Variants in ZNF700 observed in about 807,000 individuals in gnomAD.
The protein encoded by ZNF700 is zinc finger protein 700.
In ZNF700, 38 loss-of-function variants were observed where a neutral mutation model predicts 65.3. The ratio of observed to expected loss-of-function variants is 0.58; its 90% CI spans 0.45 to 0.76. ZNF700 has a LOEUF of 0.76. Ranked by LOEUF, ZNF700 falls within the 30% of genes least tolerant of loss-of-function variation. The pLI, the probability that ZNF700 is intolerant of heterozygous loss-of-function variation, is 0.00. For synonymous variants in ZNF700, 285 were observed against 290.4 expected, an observed-to-expected ratio of 0.98 and a Z score of 0.19; for missense variants, 857 against 888.4, an observed-to-expected ratio of 0.96 and a Z score of 0.45.
In ZNF700 at chr19:11,948,646, A is replaced by C. The variant is rs574955597; in HGVS notation, c.622A>C (p.Ser208Arg). The change falls in exon 4 of 4, where the codon AGC becomes CGC. Residue 208 changes from serine (S) to arginine (R), a missense_variant. Ser to Arg is a moderately radical substitution (Grantham distance 110, BLOSUM62 -1). Transcript: ENST00000254321. ...TGGAAAAACCTTTATTTTCCATTCA[A>C]GCATTCGAAGACACATGGTAATGCA... ...VCGKTFIFHSSIRRHMVMHSG... is the reference protein window; with the variant it reads ...VCGKTFIFHSRIRRHMVMHSG... 770 of 1,611,426 alleles carry C rather than the reference A, an allele frequency of 4.8e-4. 11 individuals carry two copies. The South Asian group carries it at 8.0e-3, about 17-fold the overall frequency.
chr19:11,925,179 A>T lies in ZNF700; in HGVS notation c.-32A>T, dbSNP rs1369525692. Reference sequence around the variant, plus strand: ...AGCCCGAGAGGGACCTGGTGCCTGTACCCAGGCTTCTGTCGCTCTGTCGCC... The same window carrying T: ...AGCCCGAGAGGGACCTGGTGCCTGTTCCCAGGCTTCTGTCGCTCTGTCGCC... On this transcript the variant is annotated 5_prime_UTR_variant, in exon 1 of 4. Transcript: ENST00000254321. The T allele has an allele frequency of 6.2e-7, 1 of 1,609,962 alleles. No individual in the cohort carries two copies. Among genetic ancestry groups the T allele is most frequent in the Non-Finnish European group, 8.5e-7 (1 of 1,177,332 alleles).
chr19:11,940,208 G>A (rs1972859512), intron 1 of ZNF700, among the ~76,000 whole-genome samples: 1 of 152,144 alleles, frequency 6.6e-6, no homozygotes, highest in Non-Finnish European at 1.5e-5. Flanking sequence ...GGGCTTATAG[G>A]CATGAGCCAC....
chr19:11,945,573 C>G (rs528971571), intron 1 of ZNF700, among the ~76,000 whole-genome samples: 4 of 152,172 alleles, frequency 2.6e-5, no homozygotes, highest in African/African-American at 9.6e-5. Context: ...CGGCTGGGCC[C>G]CAGGCTTAAC....
At chr19:11,932,661 A>G (rs1188937390) in intron 1 of ZNF700, among the ~76,000 whole-genome samples, 2 of 133,334 alleles carry the variant, frequency 1.5e-5, no homozygotes, top group Non-Finnish European at 3.1e-5. Context: ...TTTTTGAGAC[A>G]GAGTCTTGCC....
At position 11,948,676 on chromosome 19, in the gene ZNF700, G is replaced by A. The variant is rs750072398; in HGVS notation, c.652G>A (p.Gly218Arg). ...TCGAAGACACATGGTAATGCACAGT[G>A]GGGATGGAACTTATAAATGTAAATT... Reference protein sequence around the residue: ...SIRRHMVMHSGDGTYKCKFCG... With the variant: ...SIRRHMVMHSRDGTYKCKFCG... The change falls in exon 4 of 4, where the codon GGG becomes AGG. Residue 218 changes from glycine (G) to arginine (R), a missense_variant. By Grantham distance (125) the Gly-to-Arg change is moderately radical. Transcript: ENST00000254321. 54 of 1,612,180 alleles carry A rather than the reference G, an allele frequency of 3.3e-5. No homozygotes were observed. The highest frequency in any genetic ancestry group is 4.2e-6 in the Non-Finnish European group (5 of 1,179,620).
intron 1 of ZNF700, among the ~76,000 whole-genome samples, chr19:11,928,731 CAAAAAAAA>C (rs779525520): frequency 3.7e-5 from 2 of 53,438 alleles, no homozygotes; most frequent in South Asian, 1.3e-3. Context: ...GACTCCGTCT[CAAAAAAAA>C]AAAAAAAAAA....
chr19:11,943,487 CT>C (rs955119292), intron 1 of ZNF700, among the ~76,000 whole-genome samples: 1 of 151,920 alleles, frequency 6.6e-6, no homozygotes, highest in African/African-American at 2.4e-5. Flanking sequence ...ATGGGGGTCT[CT>C]TTTTTTTCTG....
intron 1 of ZNF700, among the ~76,000 whole-genome samples, chr19:11,934,224 G>A (rs1265152875): frequency 6.8e-6 from 1 of 147,800 alleles, no homozygotes; most frequent in East Asian, 1.9e-4. Context: ...CTAGTTTTTG[G>A]CAGTTATGAG....
chr19:11,943,510 T>G (rs974704634), intron 1 of ZNF700, among the ~76,000 whole-genome samples: 1 of 152,204 alleles, frequency 6.6e-6, no homozygotes, highest in Non-Finnish European at 1.5e-5. Flanking sequence ...TTTAGCTATT[T>G]TTTTTACTTC....
At chr19:11,928,265 T>C (rs1008370646) in intron 1 of ZNF700, among the ~76,000 whole-genome samples, 14 of 152,196 alleles carry the variant, frequency 9.2e-5, no homozygotes, top group Admixed American at 2.0e-4. Context: ...GGATTACAGA[T>C]ACAGATATCA....
intron 1 of ZNF700, among the ~76,000 whole-genome samples, chr19:11,933,786 A>G (rs1197288968): frequency 2.1e-5 from 3 of 145,542 alleles, no homozygotes; most frequent in African/African-American, 5.5e-5. Flanking sequence ...CGGAGCTTGC[A>G]GTGAGCTGAG....
Position 11,949,245 on chromosome 19 carries a change from T to C in ZNF700, c.1221T>C (p.Tyr407=), listed in dbSNP as rs370149291. The C allele has an allele frequency of 1.9e-6, 3 of 1,613,638 alleles. No homozygotes were observed. Residue 407 remains tyrosine, a synonymous_variant, in exon 4 of 4, where the codon TAT becomes TAC. Coordinates refer to ENST00000254321, the MANE Select transcript of ZNF700 (RefSeq NM_144566.3). Reference sequence around the variant, plus strand: ...TCAATCTTTCCAGTTCCTTTCGATATCATGAAAGGATTCACACTGGAGAGA... The same window carrying C: ...TCAATCTTTCCAGTTCCTTTCGATACCATGAAAGGATTCACACTGGAGAGA... ...KAFNLSSSFR[Y]HERIHTGEKP... is the part of the protein sequence containing the mutation.
intron 1 of ZNF700, among the ~76,000 whole-genome samples, chr19:11,934,984 T>C (rs279243): frequency 2.0e-5 from 3 of 146,612 alleles, no homozygotes; most frequent in Non-Finnish European, 4.4e-5. Context: ...AAGACCATCC[T>C]GGCTAACACT....
At chr19:11,942,838 T>G (rs1175200952) in intron 1 of ZNF700, among the ~76,000 whole-genome samples, 4 of 152,198 alleles carry the variant, frequency 2.6e-5, no homozygotes, top group Non-Finnish European at 2.9e-5. Context: ...ATTTCTGCCT[T>G]CCTTTAACTT....
intron 1 of ZNF700, among the ~76,000 whole-genome samples, chr19:11,944,640 A>G (rs1017531486): frequency 1.3e-5 from 2 of 152,222 alleles, no homozygotes; most frequent in African/African-American, 4.8e-5. Flanking sequence ...GAGTATGTAC[A>G]CACAAGAACT....
chr19:11,948,994 C>T lies in ZNF700; in HGVS notation c.970C>T (p.His324Tyr), dbSNP rs1973010966. The T allele has an allele frequency of 6.2e-7, 1 of 1,607,558 alleles. No homozygotes were observed. Residue 324 changes from histidine to tyrosine, a missense_variant, in exon 4 of 4, where the codon CAT becomes TAT. Coordinates refer to ENST00000254321, the MANE Select transcript of ZNF700 (RefSeq NM_144566.3). ...TGCATATACCAGTTCTCTTCGTAGA[C>T]ATGAAAGGACCCACTCTGGGAAAAA... is the stretch of plus-strand genomic sequence containing the variant. The part of the protein sequence containing the change: ...AFAYTSSLRR[H>Y]ERTHSGKKPY...
chr19:11,927,182 A>G (rs890352175), intron 1 of ZNF700, among the ~76,000 whole-genome samples: 1 of 152,046 alleles, frequency 6.6e-6, no homozygotes, highest in African/African-American at 2.4e-5. Context: ...GTGAAACCCC[A>G]TCTCTTCCAA....
In ZNF700 at chr19:11,948,513, A is replaced by G; in HGVS notation, c.489A>G (p.Pro163=). Residue 163 remains proline (P), a synonymous_variant, in exon 4 of 4, where the codon CCA becomes CCG. Transcript: ENST00000254321. ...AGTATCAGGAATATGGACCAAAGCC[A>G]TATAAGTGTCAACAACCTAAAAATA... is the stretch of plus-strand genomic sequence containing the variant. ...AYEYQEYGPK[P]YKCQQPKNKK... The G allele has an allele frequency of 1.2e-6, 2 of 1,612,736 alleles. No individual in the cohort carries two copies. Among genetic ancestry groups the G allele is most frequent in the Non-Finnish European group, 8.5e-7 (1 of 1,179,732 alleles).
intron 1 of ZNF700, among the ~76,000 whole-genome samples, chr19:11,942,650 G>A (rs923781829): frequency 3.3e-5 from 5 of 152,202 alleles, no homozygotes; most frequent in African/African-American, 1.2e-4. Flanking sequence ...AAACAAGGAT[G>A]GAGTGTGTAA....
Sources: allele counts gnomAD v4.1 joint callset (sites outside exome capture counted in the v4.1 genomes callset), GRCh38; gene constraint gnomAD v4.1.1; transcripts MANE v1.5; gene names NCBI Gene and HGNC (gene_info 2026-07-23, HGNC 2026-07-21).